Variants in PGPEP1L observed in about 807,000 individuals in gnomAD.
The protein encoded by PGPEP1L is pyroglutamyl-peptidase I like.
A neutral mutation model predicts 6.0 loss-of-function variants in PGPEP1L; 7 were observed. The ratio of observed to expected loss-of-function variants is 1.17; its 90% CI spans 0.66 to 2.19. The LOEUF is 2.19. Among genes scored for constraint, PGPEP1L ranks in the 30% most tolerant of loss-of-function variants. PGPEP1L has a pLI of 0.00. For synonymous variants in PGPEP1L, 103 were observed against 83.9 expected (o/e 1.23, Z -1.24); for missense variants, 209 against 192.5 (o/e 1.09, Z -0.51).
intron 2 of PGPEP1L, chr15:99,001,091 C>T (rs1411754395): frequency 2.4e-6 from 1 of 414,468 alleles, no homozygotes; most frequent in Non-Finnish European, 4.8e-6. Flanking sequence ...CCAGCAAGAC[C>T]ATGAACCCAC....
intron 2 of PGPEP1L, among the ~76,000 whole-genome samples, chr15:98,988,985 A>G (rs182531750): frequency 6.6e-6 from 1 of 152,346 alleles, no homozygotes; most frequent in African/African-American, 2.4e-5. Context: ...AAGGTCACCA[A>G]CATCAGAGAC....
chr15:98,979,876 C>T (rs1032219392), intron 2 of PGPEP1L, among the ~76,000 whole-genome samples: 2 of 152,080 alleles, frequency 1.3e-5, no homozygotes, highest in African/African-American at 4.8e-5. Context: ...TCTCGAACTC[C>T]TGACCTTGTG....
intron 2 of PGPEP1L, among the ~76,000 whole-genome samples, chr15:98,989,254 T>G (rs2017788072): frequency 6.6e-6 from 1 of 152,126 alleles, no homozygotes; most frequent in East Asian, 1.9e-4. Context: ...TTAGATGAAT[T>G]GCTAACTAGA....
intron 3 of PGPEP1L, among the ~76,000 whole-genome samples, chr15:98,970,682 G>C (rs1224616277): frequency 8.5e-5 from 13 of 152,170 alleles, no homozygotes; most frequent in Admixed American, 8.5e-4. Flanking sequence ...AGAGGTCCTT[G>C]CCTCACGTCC....
chr15:98,982,510 G>T (rs942254992), intron 2 of PGPEP1L, among the ~76,000 whole-genome samples: 9 of 152,114 alleles, frequency 5.9e-5, no homozygotes, highest in African/African-American at 2.2e-4. Flanking sequence ...AAAAAAGGAG[G>T]TGTAAGACGT....
At chr15:99,004,260 A>G (rs1283688749) in intron 2 of PGPEP1L, among the ~76,000 whole-genome samples, 5 of 151,866 alleles carry the variant, frequency 3.3e-5, no homozygotes, top group Non-Finnish European at 7.4e-5. Flanking sequence ...AATAAAATAA[A>G]TTGGGGGGTG....
At chr15:98,982,339 TATTCTTGTGG>T (rs147120387) in intron 2 of PGPEP1L, among the ~76,000 whole-genome samples, 4,364 of 152,230 alleles carry the variant, frequency 0.029, 202 homozygotes, top group African/African-American at 0.094. Flanking sequence ...ACAGTCCCCA[TATTCTTGTGG>T]ATTCTTGTGG....
At chr15:98,989,552 A>G (rs1555471842) in intron 2 of PGPEP1L, among the ~76,000 whole-genome samples, 3 of 152,244 alleles carry the variant, frequency 2.0e-5, no homozygotes. Context: ...GTTGGAAAAC[A>G]CTATTCAGGG....
intron 2 of PGPEP1L, among the ~76,000 whole-genome samples, chr15:98,971,497 A>G (rs553420436): frequency 1.1e-4 from 16 of 152,206 alleles, no homozygotes; most frequent in Non-Finnish European, 2.1e-4. Context: ...CTGTTTCCAA[A>G]AAAAGAAAAG....
intron 2 of PGPEP1L, among the ~76,000 whole-genome samples, chr15:98,973,829 G>C (rs1179753525): frequency 1.3e-5 from 2 of 152,040 alleles, no homozygotes; most frequent in Admixed American, 1.3e-4. Context: ...CACATTAGTA[G>C]AAGGAAAGAA....
At chr15:98,992,261 C>A (rs1331121091) in intron 2 of PGPEP1L, among the ~76,000 whole-genome samples, 1 of 152,254 alleles carries the variant, frequency 6.6e-6, no homozygotes, top group Middle Eastern at 3.4e-3. Flanking sequence ...TCTCAGGATA[C>A]AAAATCAATG....
chr15:98,974,950 C>T (rs76796473), intron 2 of PGPEP1L, among the ~76,000 whole-genome samples: 3,843 of 152,224 alleles, frequency 0.025, 67 homozygotes, highest in Middle Eastern at 0.041. Context: ...CCATATTATC[C>T]AGAAATCTGA....
At chr15:98,977,554 G>A (rs1215568335) in intron 2 of PGPEP1L, among the ~76,000 whole-genome samples, 2 of 152,214 alleles carry the variant, frequency 1.3e-5, no homozygotes, top group African/African-American at 4.8e-5. Flanking sequence ...CACTTTATGT[G>A]ACCTGAATCC....
Position 98,968,278 on chromosome 15 carries a change from C to T in PGPEP1L, c.*200G>A, listed in dbSNP as rs767854564. 25 of 600,660 alleles carry T rather than the reference C, an allele frequency of 4.2e-5. No individual in the cohort carries two copies. The highest frequency in any genetic ancestry group is 1.5e-4 in the Admixed American group (5 of 33,776). The allele number at this position is 600,660 out of a possible 1,614,324, so 37.2% of individuals were successfully genotyped here. On this transcript the variant is annotated 3_prime_UTR_variant, in exon 5 of 5. Coordinates refer to ENST00000535714, the MANE Select transcript of PGPEP1L (RefSeq NM_001167902.2). ...ATGAAAACCATAACTGAAGCTAGTT[C>T]ATCCCCTGTGAAATGTCCACCTTTC...
chr15:98,973,936 A>G (rs1394635975), intron 2 of PGPEP1L, among the ~76,000 whole-genome samples: 2 of 152,222 alleles, frequency 1.3e-5, no homozygotes, highest in African/African-American at 2.4e-5. Flanking sequence ...AACAAACAGA[A>G]TCAACAAGCC....
At chr15:98,994,498 TAAA>T (rs1399694991) in intron 2 of PGPEP1L, among the ~76,000 whole-genome samples, 1 of 151,138 alleles carries the variant, frequency 6.6e-6, no homozygotes, top group East Asian at 1.9e-4. Context: ...TAATAAAAAA[TAAA>T]AAAATTAGCC....
chr15:99,003,168 A>G (rs1555473252), intron 2 of PGPEP1L, among the ~76,000 whole-genome samples: 2 of 103,966 alleles, frequency 1.9e-5, no homozygotes, highest in Non-Finnish European at 3.6e-5. Flanking sequence ...AAACAGCCAG[A>G]AAAAAAAAAG....
At chr15:99,006,709 G>A (rs1299406100) in intron 1 of PGPEP1L, among the ~76,000 whole-genome samples, 2 of 152,218 alleles carry the variant, frequency 1.3e-5, no homozygotes, top group African/African-American at 2.4e-5. Context: ...TGGCTTCTCA[G>A]GGAGGCTGAA....
At chr15:98,999,517 G>A (rs1555472755) in intron 2 of PGPEP1L, among the ~76,000 whole-genome samples, 1 of 152,114 alleles carries the variant, frequency 6.6e-6, no homozygotes, top group East Asian at 1.9e-4. Flanking sequence ...CCGGGAAATA[G>A]TTTGACAATT....
Sources: gnomAD v4.1 joint callset for allele counts (sites outside exome capture counted in the v4.1 genomes callset) on GRCh38, gnomAD v4.1.1 for gene constraint, MANE v1.5 for transcripts, NCBI Gene and HGNC (gene_info 2026-07-23, HGNC 2026-07-21) for gene names.